CUX1: variants seen among roughly 807,000 people sequenced by gnomAD.
CUX1 encodes the protein protein CASP.
In CUX1, 31 loss-of-function variants were observed where a neutral mutation model predicts 158.8. The ratio of observed to expected loss-of-function variants is 0.20; its 90% CI spans 0.15 to 0.26. The LOEUF (loss-of-function observed/expected upper bound fraction) is 0.26. CUX1 is among the 10% of genes least tolerant of loss of function. CUX1 has a pLI of 1.00. For missense variants in CUX1, 1,589 were observed against 2,014.6 expected, an observed-to-expected ratio of 0.79 and a Z score of 4.04; for synonymous variants, 879 against 862.1, an observed-to-expected ratio of 1.02 and a Z score of -0.34.
At chr7:102,227,314 G>A (rs968124800) in intron 20 of CUX1, 53 bp from the exon 21 acceptor site, 60 of 1,476,894 alleles carry the variant, frequency 4.1e-5, no homozygotes, top group Middle Eastern at 1.8e-4. Context: ...GTAGATGGTC[G>A]TGGTAAAAGA....
In CUX1 at chr7:102,255,401, CAAA is replaced by C; in HGVS notation, c.*6367_*6369del. On this transcript the variant is annotated 3_prime_UTR_variant, in exon 24 of 24. Coordinates refer to ENST00000292535, the MANE Select transcript of CUX1 (RefSeq NM_181552.4). Reference sequence around the variant, plus strand: ...GAAAAATCCCAAAAAAAAAAAAAGACAAAAAAAAAAGGCTGGCGAGAGAAAGAC... The same window carrying C: ...GAAAAATCCCAAAAAAAAAAAAAGACAAAAAAAGGCTGGCGAGAGAAAGAC... The C allele has an allele frequency of 1.1e-6, 1 of 903,080 alleles. No individual in the cohort carries two copies. 55.9% of individuals were successfully genotyped at this position (903,080 alleles called of 1,614,324 possible).
chr7:102,070,562 G>A, intron 4 of CUX1, 145 bp downstream of exon 4: 2 of 628,146 alleles, frequency 3.2e-6, no homozygotes, highest in East Asian at 5.7e-5. Context: ...GGGAGTGCAG[G>A]ACACATGAAT....
At chr7:101,911,665 C>A (rs1562997302) in intron 1 of CUX1, among the ~76,000 whole-genome samples, 1 of 152,258 alleles carries the variant, frequency 6.6e-6, no homozygotes, top group Non-Finnish European at 1.5e-5. Flanking sequence ...TTGGCCTTGA[C>A]CTCTGAAGCT....
intron 2 of CUX1, among the ~76,000 whole-genome samples, chr7:102,019,133 T>A (rs1288527696): frequency 1.3e-5 from 2 of 152,168 alleles, no homozygotes; most frequent in Admixed American, 1.3e-4. Flanking sequence ...ATCCTCAGCC[T>A]TTATCCTCCT....
rs545172290 is a variant in CUX1 at position 102,027,557 on chromosome 7, G to C, written c.142-541G>C. Among the ~76,000 whole-genome samples, 10 of 151,950 alleles carry C rather than the reference G, an allele frequency of 6.6e-5. No individual in the cohort carries two copies. In the East Asian group the frequency reaches 1.9e-3, roughly 30 times the overall value. On this transcript the variant is annotated intron_variant, in intron 2 of 23. Coordinates refer to ENST00000292535, the MANE Select transcript of CUX1 (RefSeq NM_181552.4). ...ATGAGGTATATGTGACCAGGAGTTAGTAGAAATAAAACATCGTTGTAGGCC... is the reference window on the plus strand; with the variant it reads ...ATGAGGTATATGTGACCAGGAGTTACTAGAAATAAAACATCGTTGTAGGCC...
intron 8 of CUX1, among the ~76,000 whole-genome samples, chr7:102,140,737 C>T (rs193153211): frequency 2.6e-5 from 4 of 151,998 alleles, no homozygotes; most frequent in African/African-American, 4.8e-5. Flanking sequence ...TGGTGGTGCA[C>T]GCCTGTAATC....
intron 11 of CUX1, among the ~76,000 whole-genome samples, chr7:102,183,473 C>G (rs1793334171): frequency 2.0e-5 from 3 of 152,186 alleles, no homozygotes; most frequent in Non-Finnish European, 4.4e-5. Flanking sequence ...CCACAGTATC[C>G]TTGGGCTCCT....
chr7:101,959,740 C>T (rs997575897), intron 2 of CUX1: 2 of 152,050 alleles, frequency 1.3e-5, no homozygotes, highest in Non-Finnish European at 2.9e-5. Context: ...TTTGTTCCTG[C>T]TCGATTTGGG....
At chr7:102,074,868 G>C (rs911037125) in intron 4 of CUX1, among the ~76,000 whole-genome samples, 3 of 152,128 alleles carry the variant, frequency 2.0e-5, no homozygotes, top group African/African-American at 4.8e-5. Flanking sequence ...TGAGCTTTTT[G>C]TTTTTCTTGA....
At chr7:101,863,057 A>G (rs545618391) in intron 1 of CUX1, among the ~76,000 whole-genome samples, 6 of 152,240 alleles carry the variant, frequency 3.9e-5, no homozygotes, top group African/African-American at 7.2e-5. Flanking sequence ...CCCGACTTAA[A>G]TTTTGAAACA....
chr7:101,937,701 C>T (rs1227484264), intron 2 of CUX1, among the ~76,000 whole-genome samples: 1 of 151,874 alleles, frequency 6.6e-6, no homozygotes, highest in African/African-American at 2.4e-5. Context: ...TTAGTAGAGA[C>T]GGGGTTTCAT....
intron 1 of CUX1, among the ~76,000 whole-genome samples, chr7:101,833,107 C>T (rs1415114045): frequency 1.3e-5 from 2 of 151,854 alleles, no homozygotes; most frequent in Admixed American, 1.3e-4. Flanking sequence ...GTTCAAGGAT[C>T]GGAAAGGCAA....
chr7:102,015,970 A>G (rs996753522), intron 2 of CUX1, among the ~76,000 whole-genome samples: 8 of 151,860 alleles, frequency 5.3e-5, no homozygotes, highest in African/African-American at 1.9e-4. Flanking sequence ...ATGCCACTAC[A>G]CGTGGCTACT....
In CUX1 at chr7:101,869,263, C is replaced by T. The variant is rs1475177441; in HGVS notation, c.31-46852C>T. Reference sequence around the variant, plus strand: ...GCCCCGGCTGGCGAGAGGAGCATCACTGTGTCCAGAGGACGCGGTGCCTTT... The same window carrying T: ...GCCCCGGCTGGCGAGAGGAGCATCATTGTGTCCAGAGGACGCGGTGCCTTT... On this transcript the variant is annotated intron_variant, in intron 1 of 23. Coordinates refer to ENST00000292535, the MANE Select transcript of CUX1 (RefSeq NM_181552.4). This position sits in a 1 kb window ranked among gnomAD's most constrained non-coding sequence, Gnocchi z 4.5. 6.6e-6 allele frequency among the ~76,000 whole-genome samples: 1 copy of T among 152,180 alleles called. No homozygotes were observed. Among genetic ancestry groups the T allele is most frequent in the Non-Finnish European group, 1.5e-5 (1 of 68,036 alleles).
intron 8 of CUX1, among the ~76,000 whole-genome samples, chr7:102,135,091 C>T (rs1554498376): frequency 1.3e-5 from 2 of 151,568 alleles, no homozygotes; most frequent in African/African-American, 4.8e-5. Context: ...GTATAGTTGA[C>T]CCTTGAACAA....
chr7:102,065,540 G>C (rs1454197828), intron 3 of CUX1, among the ~76,000 whole-genome samples: 1 of 152,198 alleles, frequency 6.6e-6, no homozygotes, highest in Non-Finnish European at 1.5e-5. Flanking sequence ...TTATCATTTA[G>C]AAAAGGATCT....
At chr7:102,065,072 T>C (rs1159780157) in intron 3 of CUX1, among the ~76,000 whole-genome samples, 1 of 151,944 alleles carries the variant, frequency 6.6e-6, no homozygotes, top group Non-Finnish European at 1.5e-5. Flanking sequence ...AAACTCCAAC[T>C]TCAGGGTCAT....
chr7:102,232,462 G>A (rs1309911496), intron 21 of CUX1, among the ~76,000 whole-genome samples: 1 of 152,196 alleles, frequency 6.6e-6, no homozygotes, highest in Non-Finnish European at 1.5e-5. Context: ...GCCACAGAGA[G>A]AACAAGCCAG....
intron 11 of CUX1, among the ~76,000 whole-genome samples, chr7:102,184,121 C>T (rs1414575227): frequency 1.3e-5 from 2 of 152,196 alleles, no homozygotes; most frequent in Non-Finnish European, 2.9e-5. Context: ...TGGTGTCGAA[C>T]TCCTGGGCTC....
Sources: gnomAD v4.1 joint callset for allele counts (sites outside exome capture counted in the v4.1 genomes callset) on GRCh38, gnomAD v4.1.1 for gene constraint, Gnocchi (gnomAD v3.1) non-coding constraint, MANE v1.5 for transcripts, NCBI Gene and HGNC (gene_info 2026-07-23, HGNC 2026-07-21) for gene names.